Variants in CMIP observed in about 807,000 individuals in gnomAD.
CMIP encodes the protein C-Maf-inducing protein.
CMIP carries 13 observed loss-of-function variants against 97.3 expected under a neutral mutation model. The ratio of observed to expected loss-of-function variants is 0.13; its 90% CI spans 0.09 to 0.21. The LOEUF (loss-of-function observed/expected upper bound fraction) is 0.21, where lower values mean the gene tolerates loss of function less well. Ranked by LOEUF, CMIP falls within the 10% of genes least tolerant of loss-of-function variation. The probability of loss-of-function intolerance (pLI) is 1.00; values close to 1 mark genes in which losing one functional copy is unlikely to be tolerated. For missense variants in CMIP, 847 were observed against 1,024.9 expected, an observed-to-expected ratio of 0.83 and a Z score of 2.37; for synonymous variants, 538 against 436.3, an observed-to-expected ratio of 1.23 and a Z score of -2.91.
intron 18 of CMIP, among the ~76,000 whole-genome samples, chr16:81,704,834 A>T (rs79905107): frequency 0.37 from 54,202 of 147,812 alleles, 10,368 homozygotes; most frequent in Non-Finnish European, 0.42. Flanking sequence ...GAGGTTGAGG[A>T]CCTCATGAAG....
chr16:81,603,667 C>G (rs2091694986), intron 1 of CMIP, among the ~76,000 whole-genome samples: 1 of 152,150 alleles, frequency 6.6e-6, no homozygotes, highest in African/African-American at 2.4e-5. Flanking sequence ...CCAAAACTTC[C>G]CTTGGCTGGG....
intron 1 of CMIP, among the ~76,000 whole-genome samples, chr16:81,500,841 T>C (rs980693282): frequency 6.6e-6 from 1 of 150,666 alleles, no homozygotes; most frequent in East Asian, 1.9e-4. Flanking sequence ...CTCCCTCCCT[T>C]CCTTCTTTCT....
chr16:81,472,032 A>T lies in CMIP; in HGVS notation c.300+26491A>T, dbSNP rs557727999. Among the ~76,000 whole-genome samples, 4 of 152,338 alleles carry T rather than the reference A, an allele frequency of 2.6e-5. No homozygotes were observed. In the South Asian group the frequency reaches 8.3e-4, roughly 32 times the overall value. On this transcript the variant is annotated intron_variant, in intron 1 of 20. Transcript: ENST00000537098. ...CTGCTGCAGGTGCACACACAGATTCACGGACATGTACATGCATATGCACTC... is the reference window on the plus strand; with the variant it reads ...CTGCTGCAGGTGCACACACAGATTCTCGGACATGTACATGCATATGCACTC...
chr16:81,628,255 T>C (rs2092102125), intron 3 of CMIP, among the ~76,000 whole-genome samples: 1 of 152,110 alleles, frequency 6.6e-6, no homozygotes, highest in Non-Finnish European at 1.5e-5. Context: ...GAGCCACTCC[T>C]AGTGTCCTAG....
chr16:81,561,745 A>G (rs370385671), intron 1 of CMIP, among the ~76,000 whole-genome samples: 1 of 152,362 alleles, frequency 6.6e-6, no homozygotes, highest in African/African-American at 2.4e-5. Context: ...CCTCCAGTCT[A>G]GTAGCCACTG....
chr16:81,505,395 C>T (rs2089689969), intron 1 of CMIP, among the ~76,000 whole-genome samples: 2 of 152,318 alleles, frequency 1.3e-5, no homozygotes, highest in Admixed American at 6.5e-5. Context: ...CCTCCAGACC[C>T]CACGCCTGGA....
rs112673523 is a variant in CMIP at position 81,603,615 on chromosome 16, G to C, written c.301-3952G>C. Among the ~76,000 whole-genome samples the C allele has an allele frequency of 1.0e-3, 153 of 152,166 alleles. 1 individual carries two copies. The highest frequency in any genetic ancestry group is 2.9e-3 in the African/African-American group (121 of 41,496). ...TCCGTGATGTCCTTTTTCTGTCCCG[G>C]GATCCCATCCAGGATCCCCACAGTA... On this transcript the variant is annotated intron_variant, in intron 1 of 20. Transcript: ENST00000537098.
At position 81,606,313 on chromosome 16, in the gene CMIP, A is replaced by C. The variant is rs547897526; in HGVS notation, c.301-1254A>C. Among the ~76,000 whole-genome samples the C allele has an allele frequency of 2.6e-5, 4 of 152,338 alleles. No individual in the cohort carries two copies. In the East Asian group the frequency reaches 7.7e-4, roughly 29 times the overall value. The stretch of plus-strand genomic sequence containing the variant: ...ATACCTGTTCCACAAGACCTGTGTG[A>C]GGATTAAATGATTGCCATGTGCCCA... On this transcript the variant is annotated intron_variant, in intron 1 of 20. Transcript: ENST00000537098.
intron 1 of CMIP, among the ~76,000 whole-genome samples, chr16:81,498,696 A>T (rs1176653322): frequency 1.3e-5 from 2 of 152,236 alleles, no homozygotes; most frequent in East Asian, 1.9e-4. Context: ...CCTTGAGCAC[A>T]CATGTCCTGG....
At chr16:81,536,318 C>T (rs771472473) in intron 1 of CMIP, among the ~76,000 whole-genome samples, 1 of 152,100 alleles carries the variant, frequency 6.6e-6, no homozygotes, top group Non-Finnish European at 1.5e-5. Context: ...TCTTACCTTG[C>T]GCCATGCAGG....
intron 1 of CMIP, among the ~76,000 whole-genome samples, chr16:81,458,249 C>T (rs1438533354): frequency 1.3e-5 from 2 of 152,132 alleles, no homozygotes; most frequent in African/African-American, 4.8e-5. Context: ...CAGTGGGTCC[C>T]TCTCCTTTTT....
At chr16:81,640,484 T>TA (rs2092291438) in intron 3 of CMIP, among the ~76,000 whole-genome samples, 1 of 152,180 alleles carries the variant, frequency 6.6e-6, no homozygotes, top group Admixed American at 6.5e-5. Flanking sequence ...GCTTGCTCCT[T>TA]ACAGCTGTCT....
intron 1 of CMIP, among the ~76,000 whole-genome samples, chr16:81,511,764 G>A (rs891984145): frequency 1.3e-5 from 2 of 152,118 alleles, no homozygotes; most frequent in Non-Finnish European, 2.9e-5. Context: ...GTTTCACCAT[G>A]TTGCCCAGGC....
intron 18 of CMIP, 129 bp from the exon 19 acceptor site, chr16:81,705,369 CA>C: frequency 1.5e-6 from 1 of 647,808 alleles, no homozygotes; most frequent in Non-Finnish European, 2.7e-6. Context: ...GCCCAGACCC[CA>C]GGGCTTGGTG....
chr16:81,709,699 C>G lies in CMIP; in HGVS notation c.2269-47C>G, dbSNP rs115274690. 895 of 1,607,920 alleles carry G rather than the reference C, an allele frequency of 5.6e-4. 9 individuals carry two copies. In the African/African-American group the frequency reaches 0.011, roughly 19 times the overall value. ...TGGAGCCAGGCACTGGCAGCTTCTG[C>G]AAGGGAATGGCCTACACGTGACAAG... On this transcript the variant is annotated intron_variant, in intron 20 of 20. Coordinates refer to ENST00000537098, the MANE Select transcript of CMIP (RefSeq NM_198390.3).
intron 16 of CMIP, 138 bp from the exon 17 acceptor site, chr16:81,702,484 C>T (rs1420125802): frequency 3.4e-6 from 3 of 870,644 alleles, no homozygotes; most frequent in African/African-American, 3.4e-5. Context: ...GGGTTTGCCC[C>T]TGAGACCAAG....
intron 3 of CMIP, chr16:81,631,250 A>T (rs916631150): frequency 4.6e-5 from 7 of 152,324 alleles, no homozygotes; most frequent in African/African-American, 1.7e-4. Flanking sequence ...TTGAAGCAGG[A>T]GCTGAGGAAG....
intron 1 of CMIP, among the ~76,000 whole-genome samples, chr16:81,574,312 CT>C (rs897056858): frequency 2.8e-5 from 3 of 105,726 alleles, no homozygotes; most frequent in Non-Finnish European, 6.6e-5. Flanking sequence ...CCTCTCAGCC[CT>C]TCTGGGGCTG....
chr16:81,606,402 G>A (rs1056235633), intron 1 of CMIP, among the ~76,000 whole-genome samples: 6 of 152,180 alleles, frequency 3.9e-5, no homozygotes, highest in Admixed American at 2.0e-4. Context: ...GCACTCACCT[G>A]ATTCTCCTGA....
Sources: allele counts gnomAD v4.1 joint callset (sites outside exome capture counted in the v4.1 genomes callset), GRCh38; gene constraint gnomAD v4.1.1; transcripts MANE v1.5; gene names NCBI Gene and HGNC (gene_info 2026-07-23, HGNC 2026-07-21).